FKBP5: variants seen among roughly 807,000 people sequenced by gnomAD.
FKBP5 encodes the protein FKBP prolyl isomerase 5.
Under a neutral mutation model 50.5 loss-of-function variants are expected in FKBP5, and 23 were observed. The ratio of observed to expected loss-of-function variants is 0.46; its 90% confidence interval spans 0.33 to 0.65. The LOEUF is 0.65. Ranked by LOEUF, FKBP5 falls within the 30% of genes least tolerant of loss-of-function variation. The pLI is 0.02. For synonymous variants in FKBP5, 176 were observed against 190.6 expected (o/e 0.92, Z 0.63); for missense variants, 411 against 553.1 (o/e 0.74, Z 2.58).
intron 1 of FKBP5, among the ~76,000 whole-genome samples, chr6:35,652,398 C>T (rs1020408468): frequency 6.6e-6 from 1 of 152,210 alleles, no homozygotes; most frequent in East Asian, 1.9e-4. Flanking sequence ...CTTTCAAAAG[C>T]AAATGGGAGA....
intron 2 of FKBP5, among the ~76,000 whole-genome samples, chr6:35,697,224 C>T (rs924647912): frequency 6.6e-6 from 1 of 152,114 alleles, no homozygotes; most frequent in African/African-American, 2.4e-5. Context: ...AATGTGAACA[C>T]ACAATGGAAC....
chr6:35,583,231 C>A, intron 8 of FKBP5: 4 of 985,374 alleles, frequency 4.1e-6, no homozygotes, highest in Non-Finnish European at 4.8e-6. Flanking sequence ...CATCCTCTCT[C>A]CTCCTCCCTC....
At chr6:35,613,096 C>T (rs1763539444) in intron 5 of FKBP5, among the ~76,000 whole-genome samples, 1 of 152,240 alleles carries the variant, frequency 6.6e-6, no homozygotes. Flanking sequence ...TGTCTCTTTA[C>T]ACAGAAATGA....
Position 35,585,414 on chromosome 6 carries a change from G to C in FKBP5, c.840+1620C>G, listed in dbSNP as rs1762568843. The C allele has an allele frequency of 6.1e-6, 6 of 984,130 alleles. No individual in the cohort carries two copies. In the South Asian group the frequency reaches 1.9e-4, roughly 31 times the overall value. The allele number at this position is 984,130 out of a possible 1,614,324, so 61.0% of individuals were successfully genotyped here. Reference sequence around the variant, plus strand: ...AAACAAAACCAAAAAAATAACACTTGTTCTTGAGAGTTTAGAAACTCACAG... The same window carrying C: ...AAACAAAACCAAAAAAATAACACTTCTTCTTGAGAGTTTAGAAACTCACAG... On this transcript the variant is annotated intron_variant, in intron 8 of 10. Coordinates refer to ENST00000357266, the MANE Select transcript of FKBP5 (RefSeq NM_004117.4).
At chr6:35,622,474 G>A (rs570476057) in intron 3 of FKBP5, among the ~76,000 whole-genome samples, 1 of 151,468 alleles carries the variant, frequency 6.6e-6, no homozygotes, top group African/African-American at 2.4e-5. Flanking sequence ...TTATGTCACT[G>A]CACTCCAGAC....
chr6:35,694,949 A>G (rs1372438430), intron 2 of FKBP5, among the ~76,000 whole-genome samples: 2 of 152,230 alleles, frequency 1.3e-5, no homozygotes, highest in Admixed American at 6.5e-5. Flanking sequence ...AAGCAGCCAT[A>G]TAGCACAAAG....
intron 2 of FKBP5, among the ~76,000 whole-genome samples, chr6:35,704,716 T>A (rs1201963113): frequency 2.0e-5 from 3 of 152,210 alleles, no homozygotes; most frequent in Non-Finnish European, 2.9e-5. Flanking sequence ...ATGATTTTTT[T>A]TTTTGCCTTG....
chr6:35,644,798 A>G (rs1251810485), intron 1 of FKBP5, among the ~76,000 whole-genome samples: 1 of 152,196 alleles, frequency 6.6e-6, no homozygotes, highest in East Asian at 1.9e-4. Flanking sequence ...GCACCTTGAT[A>G]ACAGAGGGAA....
intron 3 of FKBP5, among the ~76,000 whole-genome samples, chr6:35,625,920 C>T (rs916300164): frequency 2.2e-4 from 33 of 151,632 alleles, no homozygotes; most frequent in African/African-American, 7.8e-4. Context: ...GCTGGGACTA[C>T]AGGCGCTAGC....
At chr6:35,596,183 C>T (rs1267503488) in intron 6 of FKBP5, among the ~76,000 whole-genome samples, 3 of 152,020 alleles carry the variant, frequency 2.0e-5, no homozygotes, top group Non-Finnish European at 2.9e-5. Context: ...GGTGAAACCT[C>T]GTCTCTACTA....
chr6:35,627,011 A>C lies in FKBP5; in HGVS notation c.251-6737T>G, dbSNP rs148514089. On this transcript the variant is annotated intron_variant, in intron 3 of 10. Coordinates refer to ENST00000357266, the MANE Select transcript of FKBP5 (RefSeq NM_004117.4). ...ATATGCCCACAAGTAGAACTGCTAG[A>C]TCAACATGGTAACTCTATTTTTAAT... 1.2e-3 allele frequency among the ~76,000 whole-genome samples: 184 copies of C among 152,306 alleles called. 2 individuals are homozygous for C. In the East Asian group the frequency reaches 0.028, roughly 23 times the overall value.
At chr6:35,694,728 G>A (rs908367193) in intron 2 of FKBP5, among the ~76,000 whole-genome samples, 1 of 151,996 alleles carries the variant, frequency 6.6e-6, no homozygotes, top group African/African-American at 2.4e-5. Flanking sequence ...GTTTTTTACG[G>A]TTCCCCTTTA....
rs567345047 is a variant in FKBP5, at chr6:35,702,743, C to T, written c.-20+17585G>A. Among the ~76,000 whole-genome samples, 8 of 152,094 alleles carry T rather than the reference C, an allele frequency of 5.3e-5. No homozygotes were observed. In the South Asian group the frequency reaches 6.2e-4, roughly 12 times the overall value. ...CTAGGATTACAGGCATGAGCCACCG[C>T]GCCCAGCCATATAAACTGATTTGTA... is the stretch of plus-strand genomic sequence containing the variant. On this transcript the variant is annotated intron_variant, in intron 2 of 11. Coordinates refer to the FKBP5 transcript ENST00000536438.
chr6:35,711,762 A>C (rs1449856845), intron 2 of FKBP5, among the ~76,000 whole-genome samples: 1 of 152,242 alleles, frequency 6.6e-6, no homozygotes, highest in African/African-American at 2.4e-5. Flanking sequence ...CAAACTGTAC[A>C]CTTAAATGGG....
chr6:35,651,960 C>A, intron 1 of FKBP5: 3 of 671,330 alleles, frequency 4.5e-6, no homozygotes, highest in Non-Finnish European at 4.0e-6. Flanking sequence ...AGTCAGGGAC[C>A]CCAAACGGAG....
At chr6:35,705,243 TATATATATATATA>T (rs1490111905) in intron 2 of FKBP5, among the ~76,000 whole-genome samples, 53 of 2,840 alleles carry the variant, frequency 0.019, no homozygotes, top group Non-Finnish European at 0.022. Context: ...TATATATATA[TATATATATATATA>T]TATTTTTTTT....
At chr6:35,641,154 A>AT (rs1240353794) in intron 2 of FKBP5, among the ~76,000 whole-genome samples, 1 of 151,372 alleles carries the variant, frequency 6.6e-6, no homozygotes, top group Non-Finnish European at 1.5e-5. Context: ...AATTTTTTTA[A>AT]TTTTTTTTCT....
At chr6:35,605,479 T>G (rs192297697) in intron 5 of FKBP5, among the ~76,000 whole-genome samples, 130 of 136,016 alleles carry the variant, frequency 9.6e-4, no homozygotes, top group African/African-American at 3.4e-3. Context: ...CACCGAAGCC[T>G]GTATCACCCA....
intron 8 of FKBP5, chr6:35,585,364 T>C (rs1216925031): frequency 1.0e-6 from 1 of 977,886 alleles, no homozygotes; most frequent in Non-Finnish European, 1.2e-6. Context: ...AAGTATCCAA[T>C]ATACCTCAAT....
Sources: gnomAD v4.1 joint callset for allele counts (sites outside exome capture counted in the v4.1 genomes callset) on GRCh38, gnomAD v4.1.1 for gene constraint, MANE v1.5 for transcripts, NCBI Gene and HGNC (gene_info 2026-07-23, HGNC 2026-07-21) for gene names.